Variants in RUNX2 observed in about 807,000 individuals in gnomAD.
RUNX2 encodes the protein runt-related transcription factor 2.
In RUNX2, 10 loss-of-function variants were observed where a neutral mutation model predicts 51.7. That is an observed-to-expected ratio of 0.19 (90% confidence interval 0.12 to 0.33). RUNX2 has a LOEUF of 0.33. RUNX2 is among the 10% of genes least tolerant of loss of function. The pLI is 1.00. For missense variants in RUNX2, 562 were observed against 691.3 expected (o/e 0.81, Z 2.10); for synonymous variants, 276 against 273.6 (o/e 1.01, Z -0.09).
chr6:45,347,015 A>C (rs560513366), intron 2 of RUNX2, among the ~76,000 whole-genome samples: 2 of 152,290 alleles, frequency 1.3e-5, no homozygotes, highest in East Asian at 3.9e-4. Context: ...ATGCCTTAAA[A>C]ATAACTTACA....
chr6:45,439,029 G>A (rs1421460650), intron 5 of RUNX2, among the ~76,000 whole-genome samples: 6 of 152,062 alleles, frequency 3.9e-5, no homozygotes, highest in African/African-American at 1.4e-4. Context: ...CATGAGAGTG[G>A]CATATCTTTT....
intron 2 of RUNX2, among the ~76,000 whole-genome samples, chr6:45,355,806 C>A (rs949808445): frequency 6.6e-6 from 1 of 152,026 alleles, no homozygotes; most frequent in Non-Finnish European, 1.5e-5. Context: ...GGGTTGTATT[C>A]CAAGTCTGAA....
At chr6:45,412,105 T>C (rs1273045625) in intron 2 of RUNX2, among the ~76,000 whole-genome samples, 1 of 150,518 alleles carries the variant, frequency 6.6e-6, no homozygotes, top group Non-Finnish European at 1.5e-5. Flanking sequence ...CCCAGCACTT[T>C]GAGAGGCCAA....
intron 2 of RUNX2, among the ~76,000 whole-genome samples, chr6:45,420,415 G>A (rs1156742048): frequency 6.6e-6 from 1 of 152,220 alleles, no homozygotes; most frequent in Non-Finnish European, 1.5e-5. Context: ...TCGCTACGAG[G>A]GTGAGGGAGG....
intron 5 of RUNX2, among the ~76,000 whole-genome samples, chr6:45,461,818 A>G (rs758505023): frequency 6.6e-6 from 1 of 152,008 alleles, no homozygotes; most frequent in African/African-American, 2.4e-5. Flanking sequence ...TGCCTACTAC[A>G]TAATTTGCTA....
intron 7 of RUNX2, among the ~76,000 whole-genome samples, chr6:45,531,745 CTGTCTAAAAAAAAAA>C (rs1563126992): frequency 2.0e-5 from 3 of 149,814 alleles, no homozygotes; most frequent in African/African-American, 7.3e-5. Context: ...GGGTGAGATT[CTGTCTAAAAAAAAAA>C]CAAAACTCAA....
intron 2 of RUNX2, among the ~76,000 whole-genome samples, chr6:45,388,266 T>C (rs572054070): frequency 6.6e-6 from 1 of 152,272 alleles, no homozygotes; most frequent in African/African-American, 2.4e-5. Flanking sequence ...TTTTCAGTAA[T>C]GTATGAAAGC....
At chr6:45,473,506 C>T (rs1030210125) in intron 5 of RUNX2, among the ~76,000 whole-genome samples, 2 of 152,138 alleles carry the variant, frequency 1.3e-5, no homozygotes, top group African/African-American at 4.8e-5. Context: ...GGAGCGGTGG[C>T]GGCGGTGTTG....
chr6:45,328,400 T>C lies in RUNX2; in HGVS notation c.-127T>C, dbSNP rs1426653057. 1 of 1,413,510 alleles carries C rather than the reference T, an allele frequency of 7.1e-7. No homozygotes were observed. Among genetic ancestry groups the C allele is most frequent in the Non-Finnish European group, 9.5e-7 (1 of 1,053,048 alleles). 87.6% of individuals were successfully genotyped at this position (1,413,510 alleles called of 1,614,324 possible). Reference sequence around the variant, plus strand: ...TTCTCCAGGAGGACAGCAAGAAGTCTCTGGTTTTTAAATGGTTAATCTCCG... The same window carrying C: ...TTCTCCAGGAGGACAGCAAGAAGTCCCTGGTTTTTAAATGGTTAATCTCCG... On this transcript the variant is annotated 5_prime_UTR_variant, in exon 1 of 9. Transcript: ENST00000647337.
intron 2 of RUNX2, among the ~76,000 whole-genome samples, chr6:45,381,917 A>G (rs1296103598): frequency 1.3e-5 from 2 of 152,362 alleles, no homozygotes; most frequent in Middle Eastern, 3.4e-3. Flanking sequence ...ATTTTACAGT[A>G]CCAGGTAGCT....
intron 2 of RUNX2, among the ~76,000 whole-genome samples, chr6:45,365,817 A>T (rs1389129713): frequency 6.6e-6 from 1 of 151,976 alleles, no homozygotes. Context: ...CTACAGCATA[A>T]TCTAAATCCT....
intron 2 of RUNX2, among the ~76,000 whole-genome samples, chr6:45,379,102 T>A (rs1797154395): frequency 6.6e-6 from 1 of 152,238 alleles, no homozygotes; most frequent in African/African-American, 2.4e-5. Context: ...TTATTTCCTC[T>A]GTGGATTGTA....
At chr6:45,340,714 C>G (rs1414793974) in intron 2 of RUNX2, among the ~76,000 whole-genome samples, 2 of 152,018 alleles carry the variant, frequency 1.3e-5, no homozygotes, top group Non-Finnish European at 2.9e-5. Flanking sequence ...CCACAATACA[C>G]ATATATACTC....
Position 45,422,708 on chromosome 6 carries a change from ACAGCAGCAGCAG to A in RUNX2, c.183_194del (p.Gln68_Gln71del). The stretch of plus-strand genomic sequence containing the variant: ...AGCAGCAGCAACAGCAGCAGCAGCA[ACAGCAGCAGCAG>A]CAGCAGCAACAGCAGCAGCAGCAGC... On this transcript the variant is annotated inframe_deletion, in exon 3 of 9. Coordinates refer to ENST00000647337, the MANE Select transcript of RUNX2 (RefSeq NM_001024630.4). The A allele has an allele frequency of 3.2e-6, 5 of 1,583,330 alleles. No homozygotes were observed. In the South Asian group the frequency reaches 4.5e-5, roughly 14 times the overall value.
At chr6:45,407,198 G>A (rs1203205909) in intron 2 of RUNX2, among the ~76,000 whole-genome samples, 2 of 151,838 alleles carry the variant, frequency 1.3e-5, no homozygotes, top group African/African-American at 4.8e-5. Context: ...CCGCCTCCCG[G>A]GCTCAAGCGA....
At chr6:45,363,521 A>T (rs1794621660) in intron 2 of RUNX2, among the ~76,000 whole-genome samples, 1 of 152,132 alleles carries the variant, frequency 6.6e-6, no homozygotes. Context: ...AAAGTTTTAA[A>T]AATACAAAGT....
At chr6:45,507,198 A>T (rs937675526) in intron 6 of RUNX2, among the ~76,000 whole-genome samples, 1 of 152,064 alleles carries the variant, frequency 6.6e-6, no homozygotes, top group Non-Finnish European at 1.5e-5. Flanking sequence ...CACACCATCC[A>T]ATATAACTCT....
intron 2 of RUNX2, among the ~76,000 whole-genome samples, chr6:45,415,018 GA>G (rs1254655469): frequency 6.6e-6 from 1 of 151,840 alleles, no homozygotes; most frequent in African/African-American, 2.4e-5. Flanking sequence ...TTATAATTAG[GA>G]AGAGATAAAT....
At chr6:45,451,652 T>A (rs565274496) in intron 5 of RUNX2, among the ~76,000 whole-genome samples, 15 of 152,322 alleles carry the variant, frequency 9.8e-5, no homozygotes, top group African/African-American at 3.4e-4. Flanking sequence ...TGACCAGCTG[T>A]TTTGTTTCTG....
Sources: gnomAD v4.1 joint callset for allele counts (sites outside exome capture counted in the v4.1 genomes callset) on GRCh38, gnomAD v4.1.1 for gene constraint, MANE v1.5 for transcripts, NCBI Gene and HGNC (gene_info 2026-07-23, HGNC 2026-07-21) for gene names.